JAZF1: variants seen among roughly 807,000 people sequenced by gnomAD.
JAZF1 encodes the protein JAZF zinc finger 1.
JAZF1 carries 8 observed loss-of-function variants against 26.4 expected under a neutral mutation model. The ratio of observed to expected loss-of-function variants is 0.30; its 90% CI spans 0.18 to 0.55. JAZF1 has a LOEUF of 0.55. Among genes scored for constraint, JAZF1 ranks in the 20% least tolerant of loss-of-function variants. JAZF1 has a pLI of 0.94. For missense variants in JAZF1, 199 were observed against 322.0 expected (o/e 0.62, Z 2.92); for synonymous variants, 126 against 122.3 (o/e 1.03, Z -0.20).
chr7:27,973,260 T>C (rs1785411299), intron 2 of JAZF1, among the ~76,000 whole-genome samples: 1 of 152,228 alleles, frequency 6.6e-6, no homozygotes, highest in East Asian at 1.9e-4. Flanking sequence ...GAGATGGAGG[T>C]CTCACTTTGT....
chr7:28,059,381 G>C (rs1281980671), intron 1 of JAZF1, among the ~76,000 whole-genome samples: 1 of 151,996 alleles, frequency 6.6e-6, no homozygotes, highest in Non-Finnish European at 1.5e-5. Flanking sequence ...TAATTTAGTG[G>C]TTATTCTGAA....
intron 1 of JAZF1, among the ~76,000 whole-genome samples, chr7:28,099,563 A>C (rs1366636559): frequency 2.0e-5 from 3 of 151,502 alleles, no homozygotes; most frequent in African/African-American, 7.3e-5. Context: ...CGCAACCTCC[A>C]CCTCCCAGGT....
At chr7:28,013,013 G>A (rs1782823210) in intron 1 of JAZF1, among the ~76,000 whole-genome samples, 1 of 152,086 alleles carries the variant, frequency 6.6e-6, no homozygotes, top group South Asian at 2.1e-4. Context: ...TTACCCCATG[G>A]TTTGAAACCT....
At chr7:28,032,963 A>T (rs1783217587) in intron 1 of JAZF1, among the ~76,000 whole-genome samples, 1 of 152,106 alleles carries the variant, frequency 6.6e-6, no homozygotes, top group Non-Finnish European at 1.5e-5. Flanking sequence ...GCAACCCAAC[A>T]CAAACGTGTG....
intron 1 of JAZF1, among the ~76,000 whole-genome samples, chr7:28,120,220 C>T (rs914506241): frequency 6.6e-6 from 1 of 151,404 alleles, no homozygotes; most frequent in African/African-American, 2.4e-5. Context: ...ATGAAACTCC[C>T]TAATTAGAGT....
chr7:27,909,518 C>A (rs1253355711), intron 2 of JAZF1, among the ~76,000 whole-genome samples: 5 of 151,924 alleles, frequency 3.3e-5, no homozygotes, highest in Non-Finnish European at 7.4e-5. Flanking sequence ...ACCAGCCTGA[C>A]CAACATGGAG....
At position 27,832,789 on chromosome 7, in the gene JAZF1, T is replaced by A; in HGVS notation, c.*11A>T. 7 of 1,551,398 alleles carry A rather than the reference T, an allele frequency of 4.5e-6. No homozygotes were observed. Among genetic ancestry groups the A allele is most frequent in the Non-Finnish European group, 5.2e-6 (6 of 1,144,758 alleles). On this transcript the variant is annotated 3_prime_UTR_variant, in exon 5 of 5. Coordinates refer to ENST00000283928, the MANE Select transcript of JAZF1 (RefSeq NM_175061.4). ...TGGTGAGGATTTCTTGGCACAGTTA[T>A]GACCAGCATGTTATTGCTGCATCTT...
intron 2 of JAZF1, among the ~76,000 whole-genome samples, chr7:27,946,218 C>G (rs185539362): frequency 3.0e-4 from 46 of 152,166 alleles, no homozygotes; most frequent in African/African-American, 1.1e-3. Flanking sequence ...CATTATAAAT[C>G]CAGGAACATC....
At chr7:28,061,248 C>T (rs1783792632) in intron 1 of JAZF1, among the ~76,000 whole-genome samples, 1 of 152,044 alleles carries the variant, frequency 6.6e-6, no homozygotes, top group Non-Finnish European at 1.5e-5. Context: ...ATTGTGGTAC[C>T]ATGATGAGAC....
intron 1 of JAZF1, among the ~76,000 whole-genome samples, chr7:28,022,596 C>T (rs1033696505): frequency 1.3e-5 from 2 of 152,162 alleles, no homozygotes; most frequent in Admixed American, 1.3e-4. Context: ...ACAAGTTACC[C>T]ATAATCAACT....
At chr7:27,889,000 G>A (rs533702815) in intron 3 of JAZF1, among the ~76,000 whole-genome samples, 4 of 152,228 alleles carry the variant, frequency 2.6e-5, no homozygotes, top group Non-Finnish European at 4.4e-5. Context: ...TCAAGGAAAC[G>A]GATTACAGTA....
In JAZF1 at chr7:27,840,477, T is replaced by A. The variant is rs1782901444; in HGVS notation, c.555+221A>T. 6.6e-6 allele frequency among the ~76,000 whole-genome samples: 1 copy of A among 152,162 alleles called. No individual in the cohort carries two copies. The highest frequency in any genetic ancestry group is 2.4e-5 in the African/African-American group (1 of 41,436). ...CTTGACTGCCAGGCTCCCACGTAGG[T>A]GAGCAGAGGGGAAAGCCCCGGCAGC... On this transcript the variant is annotated intron_variant, in intron 4 of 4. Coordinates refer to ENST00000283928, the MANE Select transcript of JAZF1 (RefSeq NM_175061.4). This position sits in a 1 kb window ranked among gnomAD's most constrained non-coding sequence, Gnocchi z 5.1.
intron 1 of JAZF1, among the ~76,000 whole-genome samples, chr7:28,069,026 T>C (rs1297194321): frequency 6.6e-6 from 1 of 152,236 alleles, no homozygotes; most frequent in African/African-American, 2.4e-5. Context: ...ATTTCTAAGA[T>C]GTTCCCTGGG....
At chr7:28,156,613 C>T (rs553670875) in intron 1 of JAZF1, among the ~76,000 whole-genome samples, 1 of 152,116 alleles carries the variant, frequency 6.6e-6, no homozygotes, top group Non-Finnish European at 1.5e-5. Context: ...ATTGAAATTA[C>T]CTGGGAATTT....
intron 2 of JAZF1, among the ~76,000 whole-genome samples, chr7:27,948,600 C>A (rs1784956381): frequency 1.3e-5 from 2 of 152,188 alleles, no homozygotes; most frequent in Non-Finnish European, 2.9e-5. Flanking sequence ...TGAAGACTCA[C>A]TTCAGGCATG....
intron 2 of JAZF1, among the ~76,000 whole-genome samples, chr7:27,938,805 AT>A (rs10661523): frequency 0.22 from 30,844 of 138,048 alleles, 3,219 homozygotes; most frequent in Non-Finnish European, 0.27. Flanking sequence ...CTGAATAGCT[AT>A]TTTTTTTTTT....
chr7:28,130,650 G>A (rs1782778712), intron 1 of JAZF1, among the ~76,000 whole-genome samples: 1 of 152,178 alleles, frequency 6.6e-6, no homozygotes, highest in Non-Finnish European at 1.5e-5. Flanking sequence ...CAGCATCTGT[G>A]CTAATCTACT....
intron 2 of JAZF1, among the ~76,000 whole-genome samples, chr7:27,927,016 T>C (rs1297353331): frequency 6.6e-6 from 1 of 152,192 alleles, no homozygotes; most frequent in Non-Finnish European, 1.5e-5. Flanking sequence ...TGGACAGACA[T>C]ACTCCTCCCT....
At chr7:28,149,001 C>T (rs886461480) in intron 1 of JAZF1, among the ~76,000 whole-genome samples, 4 of 152,258 alleles carry the variant, frequency 2.6e-5, no homozygotes, top group East Asian at 1.9e-4. Context: ...CTCATATTAA[C>T]GAAGAGATGG....
Sources: gnomAD v4.1 joint callset for allele counts (sites outside exome capture counted in the v4.1 genomes callset) on GRCh38, gnomAD v4.1.1 for gene constraint, Gnocchi (gnomAD v3.1) non-coding constraint, MANE v1.5 for transcripts, NCBI Gene and HGNC (gene_info 2026-07-23, HGNC 2026-07-21) for gene names.